NPR3: variants seen among roughly 807,000 people sequenced by gnomAD.
NPR3 encodes the protein atrial natriuretic peptide receptor 3.
NPR3 carries 34 observed loss-of-function variants against 54.5 expected under a neutral mutation model. That is an observed-to-expected ratio of 0.62 (90% CI 0.47 to 0.83). NPR3 has a LOEUF of 0.83. Ranked by LOEUF, NPR3 falls within the 40% of genes least tolerant of loss-of-function variation. The pLI is 0.00. For missense variants in NPR3, 674 were observed against 720.8 expected (o/e 0.94, Z 0.74); for synonymous variants, 289 against 297.1 (o/e 0.97, Z 0.28).
In NPR3 at chr5:32,784,946, A is replaced by T; in HGVS notation, c.1514+63A>T. On this transcript the variant is annotated intron_variant, in intron 7 of 7. Coordinates refer to ENST00000265074, the MANE Select transcript of NPR3 (RefSeq NM_001204375.2). Reference sequence around the variant, plus strand: ...TGCTGTCTTTGTCATTTGATTTTACATGATTCTCTTTGTGATTTGTCCACA... The same window carrying T: ...TGCTGTCTTTGTCATTTGATTTTACTTGATTCTCTTTGTGATTTGTCCACA... 3 of 1,277,626 alleles carry T rather than the reference A, an allele frequency of 2.3e-6. No individual in the cohort carries two copies. The Admixed American group carries it at 5.1e-5, about 22-fold the overall frequency. 79.1% of individuals were successfully genotyped at this position (1,277,626 alleles called of 1,614,324 possible).
At chr5:32,713,988 C>T (rs1052586156) in intron 1 of NPR3, among the ~76,000 whole-genome samples, 2 of 152,220 alleles carry the variant, frequency 1.3e-5, no homozygotes, top group African/African-American at 4.8e-5. Flanking sequence ...GCGGACTTGC[C>T]ACGCCTGCCA....
chr5:32,736,281 G>A (rs907703725), intron 2 of NPR3, among the ~76,000 whole-genome samples: 2 of 149,802 alleles, frequency 1.3e-5, no homozygotes, highest in Non-Finnish European at 3.0e-5. Flanking sequence ...CTCCAAAGCC[G>A]TTACCTTTTA....
chr5:32,790,132 A>G lies in NPR3; in HGVS notation c.*3787A>G. The G allele has an allele frequency of 5.4e-6, 1 of 185,380 alleles. No homozygotes were observed. The allele number at this position is 185,380 out of a possible 1,614,324, so 11.5% of individuals were successfully genotyped here. On this transcript the variant is annotated 3_prime_UTR_variant, in exon 8 of 8. Coordinates refer to ENST00000265074, the MANE Select transcript of NPR3 (RefSeq NM_001204375.2). ...AACTGAAACTGTCTAAAAACACGGG[A>G]TATATTTTAGAGGCAATTGTGGAAG... is the stretch of plus-strand genomic sequence containing the variant.
At chr5:32,716,454 C>A (rs1271442780) in intron 1 of NPR3, 2 of 453,830 alleles carry the variant, frequency 4.4e-6, no homozygotes, top group South Asian at 1.6e-5. Flanking sequence ...GCCTGTTAAC[C>A]ACACATGCAA....
At chr5:32,729,014 GT>G (rs769970888) in intron 2 of NPR3, among the ~76,000 whole-genome samples, 2,234 of 98,480 alleles carry the variant, frequency 0.023, 50 homozygotes, top group Non-Finnish European at 0.031. Context: ...GTGCCTGTGT[GT>G]TTTTTTTTTT....
chr5:32,744,676 T>C (rs992405229), intron 3 of NPR3, among the ~76,000 whole-genome samples: 6 of 152,198 alleles, frequency 3.9e-5, no homozygotes, highest in African/African-American at 1.4e-4. Context: ...ATGACACTCT[T>C]TTGTGCCTAC....
At position 32,711,842 on chromosome 5, in the gene NPR3, C is replaced by A. The variant is rs1334621568; in HGVS notation, c.66C>A (p.Gly22=). ...CVLLGWALLA[G]GTGGGGVGGG... ...TACTCGGCTGGGCGTTGCTGGCCGG[C>A]GGCACCGGTGGCGGTGGCGTTGGCG... is the stretch of plus-strand genomic sequence containing the variant. The change falls in exon 1 of 8, where the codon GGC becomes GGA. Residue 22 remains glycine, a synonymous_variant. Transcript: ENST00000265074. 6.2e-6 allele frequency: 9 copies of A among 1,460,444 alleles called. No homozygotes were observed. The South Asian group carries it at 1.3e-4, about 21-fold the overall frequency. 90.5% of individuals were successfully genotyped at this position (1,460,444 alleles called of 1,614,324 possible).
intron 3 of NPR3, among the ~76,000 whole-genome samples, chr5:32,757,228 A>G (rs1740895417): frequency 6.6e-6 from 1 of 152,174 alleles, no homozygotes; most frequent in South Asian, 2.1e-4. Flanking sequence ...GATTCTTCCT[A>G]TCCATGAGCA....
upstream of NPR3, among the ~76,000 whole-genome samples, chr5:32,705,312 A>G (rs1314268049): frequency 6.6e-6 from 1 of 152,264 alleles, no homozygotes; most frequent in Non-Finnish European, 1.5e-5. Context: ...GAGAAAAAAC[A>G]AACTAACCAA....
rs564442429 is a variant in NPR3, at chr5:32,694,587, A to G, written c.100+5401A>G. On this transcript the variant is annotated intron_variant, in intron 1 of 5. Transcript: ENST00000509104. ...ATTTTTGTAGGTACAGAGTAGGTAT[A>G]TATGTTTATGGGGTATGTGAAATAT... 3.9e-5 allele frequency among the ~76,000 whole-genome samples: 6 copies of G among 152,314 alleles called. No individual in the cohort carries two copies. The South Asian group carries it at 1.2e-3, about 32-fold the overall frequency.
intron 1 of NPR3, among the ~76,000 whole-genome samples, chr5:32,698,671 T>C (rs73067036): frequency 0.012 from 1,763 of 152,292 alleles, 33 homozygotes; most frequent in African/African-American, 0.04. Context: ...GTTGGGTGCA[T>C]ATATTTGCAA....
chr5:32,726,864 GT>G (rs1232979728), intron 2 of NPR3, among the ~76,000 whole-genome samples: 1 of 152,050 alleles, frequency 6.6e-6, no homozygotes, highest in African/African-American at 2.4e-5. Context: ...ATAAATACAT[GT>G]TTTACAAAAA....
At chr5:32,765,929 C>A (rs1741426328) in intron 3 of NPR3, among the ~76,000 whole-genome samples, 1 of 152,172 alleles carries the variant, frequency 6.6e-6, no homozygotes, top group African/African-American at 2.4e-5. Flanking sequence ...CTTCCCTAGA[C>A]CAGAAGGAGC....
chr5:32,738,861 T>A lies in NPR3; in HGVS notation c.893-3T>A. 1 of 1,611,664 alleles carries A rather than the reference T, an allele frequency of 6.2e-7. No homozygotes were observed. The highest frequency in any genetic ancestry group is 1.1e-5 in the South Asian group (1 of 90,616). On this transcript the variant is annotated splice_region_variant and splice_polypyrimidine_tract_variant and intron_variant, in intron 2 of 7. Transcript: ENST00000265074. ...ATTATAAATATTTTTATTTCTTCCA[T>A]AGGAGATGGCTCATGGAAGAGAGGA...
chr5:32,754,960 A>C (rs926660215), intron 3 of NPR3, among the ~76,000 whole-genome samples: 1 of 152,164 alleles, frequency 6.6e-6, no homozygotes, highest in Non-Finnish European at 1.5e-5. Context: ...TCCCAGGTTC[A>C]CGCCATTCTC....
At chr5:32,713,169 G>A (rs1341597833) in intron 1 of NPR3, 1 of 985,396 alleles carries the variant, frequency 1.0e-6, no homozygotes, top group Non-Finnish European at 1.2e-6. Flanking sequence ...ATGCCCCTGT[G>A]TGTCTGAATT....
At chr5:32,766,194 A>G (rs1195886851) in intron 3 of NPR3, among the ~76,000 whole-genome samples, 1 of 152,232 alleles carries the variant, frequency 6.6e-6, no homozygotes, top group African/African-American at 2.4e-5. Flanking sequence ...GAGAATATCC[A>G]GCAAAGTTGA....
chr5:32,723,641 ATC>A, intron 1 of NPR3, among the ~76,000 whole-genome samples: 1 of 152,304 alleles, frequency 6.6e-6, no homozygotes, highest in Non-Finnish European at 1.5e-5. Context: ...AATTTTCACT[ATC>A]TTATATCCGG....
intron 2 of NPR3, among the ~76,000 whole-genome samples, chr5:32,731,775 A>G (rs1579621814): frequency 1.3e-5 from 2 of 152,194 alleles, no homozygotes; most frequent in Non-Finnish European, 2.9e-5. Context: ...TTGCATCTTC[A>G]TGCACCTAAC....
Sources: allele counts gnomAD v4.1 joint callset (sites outside exome capture counted in the v4.1 genomes callset), GRCh38; gene constraint gnomAD v4.1.1; transcripts MANE v1.5; gene names NCBI Gene and HGNC (gene_info 2026-07-23, HGNC 2026-07-21).